LRRC4C: variants seen among roughly 807,000 people sequenced by gnomAD.
LRRC4C encodes the protein leucine rich repeat containing 4C, also known as leucine-rich repeat-containing protein 4C.
In LRRC4C, 5 loss-of-function variants were observed where a neutral mutation model predicts 33.6. That is an observed-to-expected ratio of 0.15 (90% confidence interval 0.08 to 0.31). The LOEUF is 0.31. Ranked by LOEUF, LRRC4C falls within the 10% of genes least tolerant of loss-of-function variation. The pLI, the probability that LRRC4C is intolerant of heterozygous loss-of-function variation, is 1.00. For synonymous variants in LRRC4C, 329 were observed against 302.0 expected, an observed-to-expected ratio of 1.09 and a Z score of -0.93; for missense variants, 560 against 796.7, an observed-to-expected ratio of 0.70 and a Z score of 3.58.
intron 3 of LRRC4C, chr11:40,445,925 C>G (rs553359639): frequency 1.3e-5 from 2 of 152,110 alleles, no homozygotes; most frequent in Non-Finnish European, 2.9e-5. Flanking sequence ...TAGAATTTTT[C>G]GATTGTGTGA....
At chr11:41,143,263 A>T (rs1943590051) in intron 1 of LRRC4C, among the ~76,000 whole-genome samples, 1 of 152,140 alleles carries the variant, frequency 6.6e-6, no homozygotes, top group South Asian at 2.1e-4. Context: ...TCATCTTTGG[A>T]CAACATGAAT....
Position 40,980,275 on chromosome 11 carries a change from A to G in LRRC4C, c.-495-46552T>C, listed in dbSNP as rs530429120. ...CCACATAGGAAATGCCATGACTTGG[A>G]CAAGTGCAAAGGAGAAATGTTCTCT... On this transcript the variant is annotated intron_variant, in intron 1 of 6. Transcript: ENST00000528697. Among the ~76,000 whole-genome samples, 11 of 152,312 alleles carry G rather than the reference A, an allele frequency of 7.2e-5. No homozygotes were observed. The East Asian group carries it at 2.1e-3, about 29-fold the overall frequency.
chr11:41,336,574 G>T (rs1370423182), intron 1 of LRRC4C, among the ~76,000 whole-genome samples: 1 of 152,176 alleles, frequency 6.6e-6, no homozygotes, highest in African/African-American at 2.4e-5. Context: ...TTCTGCACTG[G>T]TCCTCTATCC....
chr11:40,484,005 A>C (rs1267962543), intron 3 of LRRC4C, among the ~76,000 whole-genome samples: 1 of 152,092 alleles, frequency 6.6e-6, no homozygotes, highest in African/African-American at 2.4e-5. Context: ...GTAAATAAAA[A>C]ACAGTACTGA....
intron 2 of LRRC4C, among the ~76,000 whole-genome samples, chr11:40,873,995 A>G (rs1954767798): frequency 6.6e-6 from 1 of 152,202 alleles, no homozygotes. Flanking sequence ...TAAGAGCACA[A>G]TGTTGTGTAC....
At chr11:40,614,425 A>C (rs79119475) in intron 3 of LRRC4C, among the ~76,000 whole-genome samples, 79 of 151,532 alleles carry the variant, frequency 5.2e-4, no homozygotes, top group African/African-American at 1.8e-3. Context: ...CATATAATTA[A>C]AGAGAGTGGG....
intron 2 of LRRC4C, among the ~76,000 whole-genome samples, chr11:40,805,970 G>A (rs1951227344): frequency 1.3e-5 from 2 of 152,100 alleles, no homozygotes; most frequent in Admixed American, 1.3e-4. Context: ...GGAACTGCTG[G>A]GAAAATCAGT....
chr11:41,214,566 C>T (rs547088208), intron 1 of LRRC4C, among the ~76,000 whole-genome samples: 73 of 73,600 alleles, frequency 9.9e-4, no homozygotes, highest in African/African-American at 5.9e-3. Flanking sequence ...CCCGTCTCTA[C>T]TAAAAATACA....
chr11:40,198,276 G>A (rs1419361922), intron 5 of LRRC4C, among the ~76,000 whole-genome samples: 4 of 152,098 alleles, frequency 2.6e-5, no homozygotes, highest in African/African-American at 4.8e-5. Context: ...ACCCACTTAT[G>A]TACCGTAAAA....
intron 2 of LRRC4C, among the ~76,000 whole-genome samples, chr11:40,724,655 A>T (rs951977747): frequency 7.9e-5 from 12 of 152,182 alleles, no homozygotes; most frequent in Non-Finnish European, 1.5e-4. Context: ...CATCAATACC[A>T]TAGAAAGATC....
intron 1 of LRRC4C, among the ~76,000 whole-genome samples, chr11:41,251,625 G>T (rs1163144990): frequency 6.6e-6 from 1 of 152,188 alleles, no homozygotes; most frequent in East Asian, 1.9e-4. Flanking sequence ...GAGCAATTAA[G>T]AATTGTGAAA....
intron 2 of LRRC4C, among the ~76,000 whole-genome samples, chr11:40,749,497 T>C (rs911614615): frequency 1.4e-5 from 2 of 145,414 alleles, no homozygotes; most frequent in Admixed American, 6.8e-5. Flanking sequence ...AGGAAGTTTA[T>C]AGCAATAAAT....
At chr11:41,155,772 T>C (rs898606158) in intron 1 of LRRC4C, among the ~76,000 whole-genome samples, 1 of 152,128 alleles carries the variant, frequency 6.6e-6, no homozygotes, top group African/African-American at 2.4e-5. Context: ...TTCTGAATAA[T>C]TAATCTCTCT....
chr11:40,472,672 G>A (rs556202634), intron 3 of LRRC4C, among the ~76,000 whole-genome samples: 4 of 151,910 alleles, frequency 2.6e-5, no homozygotes, highest in African/African-American at 9.6e-5. Flanking sequence ...GAATCCAGGA[G>A]CTGGTTTTTT....
intron 3 of LRRC4C, among the ~76,000 whole-genome samples, chr11:40,355,156 A>T (rs1274745616): frequency 6.6e-6 from 1 of 152,062 alleles, no homozygotes; most frequent in Admixed American, 6.6e-5. Context: ...GCTCAGCCTG[A>T]TGTCCTATTT....
At chr11:40,531,793 ATGTT>A (rs977821247) in intron 3 of LRRC4C, among the ~76,000 whole-genome samples, 13 of 151,906 alleles carry the variant, frequency 8.6e-5, no homozygotes, top group South Asian at 6.2e-4. Context: ...TATAAAATTT[ATGTT>A]TGTTTGGTGT....
chr11:40,988,940 G>A (rs968044011), intron 1 of LRRC4C, among the ~76,000 whole-genome samples: 28 of 151,578 alleles, frequency 1.8e-4, no homozygotes, highest in African/African-American at 6.3e-4. Context: ...CAGGATGGTC[G>A]CGATCTCCTG....
intron 1 of LRRC4C, among the ~76,000 whole-genome samples, chr11:41,297,394 C>T (rs1398787075): frequency 6.6e-6 from 1 of 152,004 alleles, no homozygotes; most frequent in Non-Finnish European, 1.5e-5. Flanking sequence ...TGATACTGGC[C>T]TTGTAAAATG....
intron 5 of LRRC4C, among the ~76,000 whole-genome samples, chr11:40,182,575 T>C (rs1280540562): frequency 6.6e-6 from 1 of 152,230 alleles, no homozygotes; most frequent in African/African-American, 2.4e-5. Context: ...AAAATAATTC[T>C]AATTGCATGC....
Sources: gnomAD v4.1 joint callset for allele counts (sites outside exome capture counted in the v4.1 genomes callset) on GRCh38, gnomAD v4.1.1 for gene constraint, MANE v1.5 for transcripts, NCBI Gene and HGNC (gene_info 2026-07-23, HGNC 2026-07-21) for gene names.